Variants in MUC4 observed in about 807,000 individuals in gnomAD.
MUC4 encodes mucin-4.
Under a neutral mutation model 257.9 loss-of-function variants are expected in MUC4, and 202 were observed. The ratio of observed to expected loss-of-function variants is 0.78; its 90% confidence interval spans 0.70 to 0.88. The LOEUF (loss-of-function observed/expected upper bound fraction) is 0.88, where lower values mean the gene tolerates loss of function less well. MUC4 is among the 40% of genes least tolerant of loss of function. MUC4 has a pLI of 0.00. For synonymous variants in MUC4, 2,351 were observed against 2,757.1 expected, an observed-to-expected ratio of 0.85 and a Z score of 4.62; for missense variants, 5,976 against 6,513.7, an observed-to-expected ratio of 0.92 and a Z score of 2.84.
chr3:195,802,021 G>A (rs571528532), intron 1 of MUC4, among the ~76,000 whole-genome samples: 20 of 152,054 alleles, frequency 1.3e-4, no homozygotes, highest in African/African-American at 3.1e-4. Context: ...GCCACCCTGC[G>A]TCTACTCTCA....
rs1215807828 is a variant in MUC4, at chr3:195,780,875, G to A, written c.10705C>T (p.Leu3569Phe). ...ACTGAGGAAAGGCTGGTGACAGGAA[G>A]AGGGGTGGCCTGACCTGTGGATGCC... The part of the protein sequence containing the change: ...SSASTGQATP[L>F]PVTSLSSVST... Residue 3569 changes from leucine (L) to phenylalanine (F), a missense_variant, in exon 2 of 25, where the codon CTT (leucine) becomes TTT (phenylalanine). By Grantham distance (22) the Leu-to-Phe change is conservative. This residue lies in a region of MUC4 where 59 missense variants were observed against 149.8 expected (regional missense o/e 0.39). Coordinates refer to ENST00000463781, the MANE Select transcript of MUC4 (RefSeq NM_018406.7). 2 of 1,492,128 alleles carry A rather than the reference G, an allele frequency of 1.3e-6. No homozygotes were observed. The highest frequency in any genetic ancestry group is 2.4e-5 in the South Asian group (2 of 82,860). 92.4% of individuals were successfully genotyped at this position (1,492,128 alleles called of 1,614,324 possible).
intron 1 of MUC4, among the ~76,000 whole-genome samples, chr3:195,806,997 C>G (rs1736067277): frequency 6.6e-6 from 1 of 152,142 alleles, no homozygotes; most frequent in Non-Finnish European, 1.5e-5. Context: ...TACAGAGAGT[C>G]GATGTCTGTC....
chr3:195,767,411 T>C (rs1351759623), intron 7 of MUC4, among the ~76,000 whole-genome samples: 36 of 116,120 alleles, frequency 3.1e-4, no homozygotes, highest in Admixed American at 1.7e-4. Context: ...ACCATCATCG[T>C]CACCACCAAC....
chr3:195,793,348 C>T (rs2149046897), intron 1 of MUC4, among the ~76,000 whole-genome samples: 2 of 151,458 alleles, frequency 1.3e-5, no homozygotes, highest in Non-Finnish European at 2.9e-5. Context: ...AAAAAAAATA[C>T]AGAAATAGCT....
At chr3:195,778,555 A>G (rs1725555864) in intron 2 of MUC4, 100 bp from the exon 3 acceptor site, 1 of 1,493,054 alleles carries the variant, frequency 6.7e-7, no homozygotes, top group African/African-American at 1.4e-5. Flanking sequence ...GGGAGCTGGA[A>G]ACTCCTTGTC....
In MUC4 at chr3:195,788,019, G is replaced by T. The variant is rs1732977450; in HGVS notation, c.3561C>A (p.Val1187=). 7.0e-7 allele frequency: 1 copy of T among 1,437,796 alleles called. No homozygotes were observed. The highest frequency in any genetic ancestry group is 2.4e-4 in the Middle Eastern group (1 of 4,084). The allele number at this position is 1,437,796 out of a possible 1,614,324, so 89.1% of individuals were successfully genotyped here. ...VSTGDTTPLP[V]TSPSSASTGH... is the part of the protein sequence containing the mutation. ...CTGTGGATGCTGAGGAAGGGCTAGTGACAGGAAGAGGCGTGGTGTCACCTG... is the reference window on the plus strand; with the variant it reads ...CTGTGGATGCTGAGGAAGGGCTAGTTACAGGAAGAGGCGTGGTGTCACCTG... Residue 1187 remains valine (V), a synonymous_variant, in exon 2 of 25, where the codon GTC becomes GTA. Coordinates refer to ENST00000463781, the MANE Select transcript of MUC4 (RefSeq NM_018406.7).
intron 19 of MUC4, chr3:195,753,484 C>A (rs1443780783): frequency 1.9e-6 from 1 of 519,702 alleles, no homozygotes; most frequent in East Asian, 3.6e-5. Context: ...TCAGAAAGGA[C>A]CCCGAAGGCT....
intron 7 of MUC4, among the ~76,000 whole-genome samples, chr3:195,767,458 AACAC>A (rs1360047900): frequency 3.0e-4 from 43 of 143,394 alleles, no homozygotes; most frequent in Non-Finnish European, 4.1e-4. Flanking sequence ...CACCACCACC[AACAC>A]TACCACCACC....
rs1182303083 is a variant in MUC4 at position 195,760,975 on chromosome 3, G to A, written c.14757C>T (p.Cys4919=). 4 of 1,614,158 alleles carry A rather than the reference G, an allele frequency of 2.5e-6. No individual in the cohort carries two copies. Among genetic ancestry groups the A allele is most frequent in the Non-Finnish European group, 2.5e-6 (3 of 1,180,010 alleles). Reference sequence around the variant, plus strand: ...TGCGCAGGGCCAGGGTGTCATAGATGCATGAGCTATCTCCGTCACAGTTGG... The same window carrying A: ...TGCGCAGGGCCAGGGTGTCATAGATACATGAGCTATCTCCGTCACAGTTGG... ...LISNCDGDSS[C]IYDTLALRNA... Residue 4919 remains cysteine (C), a synonymous_variant, in exon 16 of 25, where the codon TGC becomes TGT. Coordinates refer to ENST00000463781, the MANE Select transcript of MUC4 (RefSeq NM_018406.7).
At chr3:195,804,748 G>A (rs533830422) in intron 1 of MUC4, among the ~76,000 whole-genome samples, 42 of 152,386 alleles carry the variant, frequency 2.8e-4, no homozygotes, top group Admixed American at 1.0e-3. Context: ...CAGGCGGCCC[G>A]GAAGGCGCGC....
intron 15 of MUC4, 66 bp downstream of exon 15, chr3:195,761,418 G>T: frequency 7.4e-7 from 1 of 1,355,490 alleles, no homozygotes. Context: ...AGGGCCGAGG[G>T]GGACGACATA....
At chr3:195,752,982 G>A (rs1716775029) in intron 20 of MUC4, 69 bp downstream of exon 20, 2 of 1,338,582 alleles carry the variant, frequency 1.5e-6, no homozygotes, top group Non-Finnish European at 2.1e-6. Flanking sequence ...AAGGTGGGCG[G>A]AGTGCGGGGG....
rs575589813 is a variant in MUC4 at position 195,779,678 on chromosome 3, A to C, written c.11902T>G (p.Ser3968Ala). ...TSSVSTGHAT[S>A]LPVTSRSSAS... ...GAGGAACGGCTGGTGACAGGAAGAGAGGTGGCGTGACCTGTGGATACTGAG... is the reference window on the plus strand; with the variant it reads ...GAGGAACGGCTGGTGACAGGAAGAGCGGTGGCGTGACCTGTGGATACTGAG... Residue 3968 changes from serine (S) to alanine (A), a missense_variant, in exon 2 of 25, where the codon TCT (serine) becomes GCT (alanine). Physicochemically the swap from Ser to Ala is moderately conservative, Grantham distance 99. Transcript: ENST00000463781. 1.8e-5 allele frequency: 8 copies of C among 433,152 alleles called. 1 individual carries two copies. The highest frequency in any genetic ancestry group is 1.7e-5 in the Non-Finnish European group (6 of 347,506). 26.8% of individuals were successfully genotyped at this position (433,152 alleles called of 1,614,324 possible).
intron 15 of MUC4, 126 bp downstream of exon 15, chr3:195,761,358 G>T (rs369978117): frequency 5.7e-6 from 5 of 877,524 alleles, no homozygotes; most frequent in Non-Finnish European, 7.3e-6. Flanking sequence ...ACAGCCCTGG[G>T]GGGGCACAGA....
At chr3:195,764,825 A>G (rs1012604966) in intron 10 of MUC4, among the ~76,000 whole-genome samples, 172 bp downstream of exon 10, 1 of 152,084 alleles carries the variant, frequency 6.6e-6, no homozygotes, top group African/African-American at 2.4e-5. Context: ...CTCAGCTCAT[A>G]CATCCCCGAA....
Position 195,760,610 on chromosome 3 carries a change from G to A in MUC4, c.14848+274C>T, listed in dbSNP as rs1025859990. Among the ~76,000 whole-genome samples the A allele has an allele frequency of 1.5e-4, 17 of 114,060 alleles. No homozygotes were observed. The South Asian group carries it at 3.3e-3, about 22-fold the overall frequency. The allele number at this position is 114,060 out of a possible 152,430, so 74.8% of individuals were successfully genotyped here. ...TCCAGCGCTAGTATGGAGTGAAGGG[G>A]GCTGGGAAGGCATCCAGCGCTAGGA... On this transcript the variant is annotated intron_variant, in intron 16 of 24. Coordinates refer to ENST00000463781, the MANE Select transcript of MUC4 (RefSeq NM_018406.7).
Position 195,784,697 on chromosome 3 carries a change from A to C in MUC4, c.6883T>G (p.Ser2295Ala), listed in dbSNP as rs1370906979. The C allele has an allele frequency of 3.4e-6, 5 of 1,451,168 alleles. No individual in the cohort carries two copies. In the East Asian group the frequency reaches 1.4e-4, roughly 40 times the overall value. 89.9% of individuals were successfully genotyped at this position (1,451,168 alleles called of 1,614,324 possible). The change falls in exon 2 of 25, where the codon TCC becomes GCC. Residue 2295 changes from serine (S) to alanine (A), a missense_variant. By Grantham distance (99) the Ser-to-Ala change is moderately conservative. Around this residue, in one of 44 missense-constraint regions of MUC4, gnomAD observed 62 missense variants for 74.0 expected, o/e 0.84. Transcript: ENST00000463781. ...DTTPLPVTSPSSASTGHATPL... is the reference protein window; with the variant it reads ...DTTPLPVTSPASASTGHATPL... ...GTGGCGTGACCTGTGGATGCTGAGG[A>C]AGGGCTAGTGACAGGAAGAGGAGTG...
Position 195,761,588 on chromosome 3 carries a change from G to T in MUC4, c.14513-3C>A, listed in dbSNP as rs756264707. On this transcript the variant is annotated splice_polypyrimidine_tract_variant and splice_region_variant and intron_variant, in intron 14 of 24. Coordinates refer to ENST00000463781, the MANE Select transcript of MUC4 (RefSeq NM_018406.7). ...CTCTGGATTGTTATTCCAGACCCCT[G>T]AGGGACAGAGTGGGAGGTTGGCCAC... 1 of 1,612,756 alleles carries T rather than the reference G, an allele frequency of 6.2e-7. No individual in the cohort carries two copies. The highest frequency in any genetic ancestry group is 8.5e-7 in the Non-Finnish European group (1 of 1,178,802).
rs1462017077 is a variant in MUC4, at chr3:195,760,977, A to G, written c.14755T>C (p.Cys4919Arg). Residue 4919 changes from cysteine to arginine, a missense_variant, in exon 16 of 25, where the codon TGC (cysteine) becomes CGC (arginine). This residue lies in a region of MUC4 where 996 missense variants were observed against 1,137.3 expected (regional missense o/e 0.88). Coordinates refer to ENST00000463781, the MANE Select transcript of MUC4 (RefSeq NM_018406.7). The stretch of plus-strand genomic sequence containing the variant: ...CGCAGGGCCAGGGTGTCATAGATGC[A>G]TGAGCTATCTCCGTCACAGTTGGAG... Reference protein sequence around the residue: ...LISNCDGDSSCIYDTLALRNA... With the variant: ...LISNCDGDSSRIYDTLALRNA... 1.2e-6 allele frequency: 2 copies of G among 1,614,174 alleles called. No individual in the cohort carries two copies. The highest frequency in any genetic ancestry group is 1.7e-5 in the Admixed American group (1 of 60,028).
Sources: gnomAD v4.1 joint callset for allele counts (sites outside exome capture counted in the v4.1 genomes callset) on GRCh38, gnomAD v4.1.1 for gene constraint, gnomAD v4.1.1 regional missense constraint, MANE v1.5 for transcripts, NCBI Gene and HGNC (gene_info 2026-07-23, HGNC 2026-07-21) for gene names.